MSRA: variants seen among roughly 807,000 people sequenced by gnomAD.
The protein encoded by MSRA is methionine sulfoxide reductase A, also known as mitochondrial peptide methionine sulfoxide reductase.
MSRA carries 54 observed loss-of-function variants against 31.3 expected under a neutral mutation model. The observed-to-expected ratio is 1.73, with a 90% CI of 1.39 to 2.17. The LOEUF is 2.17. Ranked by LOEUF, MSRA falls within the 30% of genes most tolerant of loss-of-function variation. MSRA has a pLI of 0.00. For missense variants in MSRA, 507 were observed against 300.9 expected, an observed-to-expected ratio of 1.69 and a Z score of -5.07; for synonymous variants, 169 against 116.5, an observed-to-expected ratio of 1.45 and a Z score of -2.90.
At chr8:10,148,686 A>T (rs1010351409) in intron 1 of MSRA, among the ~76,000 whole-genome samples, 4 of 150,830 alleles carry the variant, frequency 2.7e-5, no homozygotes, top group African/African-American at 9.7e-5. Context: ...TTTAACAAGT[A>T]ATCATTTTGG....
intron 2 of MSRA, among the ~76,000 whole-genome samples, chr8:10,226,656 C>T (rs1295295239): frequency 1.3e-5 from 2 of 152,186 alleles, no homozygotes; most frequent in African/African-American, 4.8e-5. Flanking sequence ...TAAAGGATGC[C>T]TCTTCGGCAA....
intron 5 of MSRA, among the ~76,000 whole-genome samples, chr8:10,330,158 G>A (rs1802610689): frequency 6.9e-6 from 1 of 145,050 alleles, no homozygotes; most frequent in Non-Finnish European, 1.5e-5. Context: ...ATCTAAGTGT[G>A]GATAACAAAA....
At chr8:10,313,746 C>T (rs959674546) in intron 4 of MSRA, among the ~76,000 whole-genome samples, 4 of 152,092 alleles carry the variant, frequency 2.6e-5, no homozygotes, top group African/African-American at 7.2e-5. Context: ...TGCATAAGAA[C>T]AAGAGGATGA....
At chr8:10,080,848 T>G (rs1798256845) in intron 1 of MSRA, among the ~76,000 whole-genome samples, 1 of 152,200 alleles carries the variant, frequency 6.6e-6, no homozygotes, top group Non-Finnish European at 1.5e-5. Flanking sequence ...CTTGGCAGCC[T>G]CATCTTGAGT....
chr8:10,231,135 A>G (rs774374175), intron 2 of MSRA, among the ~76,000 whole-genome samples: 2 of 152,104 alleles, frequency 1.3e-5, no homozygotes, highest in African/African-American at 2.4e-5. Flanking sequence ...AGTGCATGAG[A>G]TGGAGACTGA....
chr8:10,420,144 G>A (rs1234805919), intron 5 of MSRA, among the ~76,000 whole-genome samples: 1 of 152,162 alleles, frequency 6.6e-6, no homozygotes, highest in Non-Finnish European at 1.5e-5. Context: ...CCTCCTGGAG[G>A]AAGCTTGAAG....
intron 5 of MSRA, among the ~76,000 whole-genome samples, chr8:10,354,305 T>C (rs1804375647): frequency 1.3e-5 from 2 of 152,200 alleles, no homozygotes; most frequent in South Asian, 4.1e-4. Context: ...TCTAAATTGA[T>C]GGAATCCACA....
intron 1 of MSRA, among the ~76,000 whole-genome samples, chr8:10,106,322 A>G (rs555648065): frequency 2.0e-5 from 3 of 152,276 alleles, no homozygotes; most frequent in South Asian, 2.1e-4. Context: ...GCATATAGGA[A>G]CCAGTGAAAT....
At chr8:10,338,362 G>T (rs1442538927) in intron 5 of MSRA, among the ~76,000 whole-genome samples, 7 of 152,182 alleles carry the variant, frequency 4.6e-5, no homozygotes, top group Admixed American at 4.6e-4. Context: ...AAGGGAGGAG[G>T]AGTTGTTGGT....
intron 1 of MSRA, among the ~76,000 whole-genome samples, chr8:10,133,713 T>A (rs137990648): frequency 6.6e-6 from 1 of 152,210 alleles, no homozygotes; most frequent in Non-Finnish European, 1.5e-5. Context: ...ACAGGGGAAG[T>A]GCTCAGGAAA....
chr8:10,228,770 C>G (rs769671519), intron 2 of MSRA, among the ~76,000 whole-genome samples: 1 of 152,178 alleles, frequency 6.6e-6, no homozygotes. Context: ...TAAGTTGGGG[C>G]TAGTAGCATC....
At chr8:10,110,531 C>CA (rs754683213) in intron 1 of MSRA, among the ~76,000 whole-genome samples, 16 of 152,206 alleles carry the variant, frequency 1.1e-4, no homozygotes, top group African/African-American at 7.2e-5. Context: ...CATTGTCTGG[C>CA]AAGTGCCTTT....
At chr8:10,124,192 C>T (rs988309563) in intron 1 of MSRA, among the ~76,000 whole-genome samples, 1 of 152,028 alleles carries the variant, frequency 6.6e-6, no homozygotes, top group African/African-American at 2.4e-5. Context: ...TGAGACCACC[C>T]CAAACTGCCA....
chr8:10,362,494 T>C (rs1483279127), intron 5 of MSRA, among the ~76,000 whole-genome samples: 1 of 145,758 alleles, frequency 6.9e-6, no homozygotes, highest in Non-Finnish European at 1.5e-5. Flanking sequence ...TGGGCTTGTA[T>C]ATTTAAGGCT....
At chr8:10,166,398 A>G (rs961333945) in intron 1 of MSRA, among the ~76,000 whole-genome samples, 2 of 130,298 alleles carry the variant, frequency 1.5e-5, no homozygotes, top group African/African-American at 6.2e-5. Flanking sequence ...GTGTGTGCTC[A>G]TATGTGTGTA....
chr8:10,061,812 C>G (rs1046791247), intron 1 of MSRA, among the ~76,000 whole-genome samples: 4 of 152,122 alleles, frequency 2.6e-5, no homozygotes, highest in Admixed American at 6.5e-5. Flanking sequence ...GAACTTTTCC[C>G]TGAGTTATTT....
At chr8:10,111,021 A>G (rs937619576) in intron 1 of MSRA, among the ~76,000 whole-genome samples, 1 of 152,160 alleles carries the variant, frequency 6.6e-6, no homozygotes, top group Non-Finnish European at 1.5e-5. Context: ...GTGTGGAACC[A>G]TTACTGACCT....
chr8:10,150,399 CATTAT>C (rs1270596294), intron 1 of MSRA, among the ~76,000 whole-genome samples: 1 of 152,150 alleles, frequency 6.6e-6, no homozygotes, highest in African/African-American at 2.4e-5. Flanking sequence ...ACTATTGCTG[CATTAT>C]ATTAATTATC....
chr8:10,232,174 A>G (rs145261687), intron 2 of MSRA, among the ~76,000 whole-genome samples: 81 of 152,292 alleles, frequency 5.3e-4, no homozygotes, highest in African/African-American at 1.9e-3. Flanking sequence ...AGCAGGGGAA[A>G]GAGCTGGAAG....
Sources: gnomAD v4.1 joint callset for allele counts (sites outside exome capture counted in the v4.1 genomes callset) on GRCh38, gnomAD v4.1.1 for gene constraint, MANE v1.5 for transcripts, NCBI Gene and HGNC (gene_info 2026-07-23, HGNC 2026-07-21) for gene names.